IQCK: variants seen among roughly 807,000 people sequenced by gnomAD.
IQCK encodes the protein IQ domain-containing protein K.
In IQCK, 29 loss-of-function variants were observed where a neutral mutation model predicts 28.1. That is an observed-to-expected ratio of 1.03 (90% CI 0.77 to 1.41). The LOEUF (loss-of-function observed/expected upper bound fraction) is 1.41. Ranked by LOEUF, IQCK falls within the 40% of genes most tolerant of loss-of-function variation. The probability of loss-of-function intolerance (pLI) is 0.00; values close to 1 mark genes in which losing one functional copy is unlikely to be tolerated. For synonymous variants in IQCK, 113 were observed against 115.1 expected (o/e 0.98, Z 0.12); for missense variants, 359 against 314.7 (o/e 1.14, Z -1.07).
intron 9 of IQCK, among the ~76,000 whole-genome samples, chr16:19,832,879 T>G (rs1347947483): frequency 1.3e-5 from 2 of 152,062 alleles, no homozygotes; most frequent in African/African-American, 4.8e-5. Flanking sequence ...TCAGATCTCA[T>G]GAGAACTCAC....
intron 4 of IQCK, among the ~76,000 whole-genome samples, chr16:19,736,945 C>T (rs1001199658): frequency 7.6e-5 from 11 of 145,118 alleles, no homozygotes; most frequent in African/African-American, 2.9e-4. Flanking sequence ...CCCAGGAGTT[C>T]GAGACCAGCC....
chr16:19,824,872 C>G (rs1174284978), intron 7 of IQCK, among the ~76,000 whole-genome samples: 2 of 152,152 alleles, frequency 1.3e-5, no homozygotes, highest in African/African-American at 2.4e-5. Flanking sequence ...CTTGCAGAGG[C>G]CAGTATCTCT....
intron 1 of IQCK, among the ~76,000 whole-genome samples, chr16:19,719,883 G>C (rs1455553469): frequency 6.6e-6 from 1 of 151,714 alleles, no homozygotes; most frequent in African/African-American, 2.4e-5. Context: ...ATTTTGGCCA[G>C]GCTGCTCTTG....
chr16:19,836,076 T>G lies in IQCK; in HGVS notation c.802+8939T>G, dbSNP rs536743499. On this transcript the variant is annotated intron_variant, in intron 9 of 9. Transcript: ENST00000320394. Reference sequence around the variant, plus strand: ...CATCTTTGTGCTACATTTTCTCTACTTGTAAAATGAGAATTCTTATGCCTT... The same window carrying G: ...CATCTTTGTGCTACATTTTCTCTACGTGTAAAATGAGAATTCTTATGCCTT... Among the ~76,000 whole-genome samples, 8 of 152,372 alleles carry G rather than the reference T, an allele frequency of 5.3e-5. 1 individual carries two copies. In the South Asian group the frequency reaches 1.4e-3, roughly 28 times the overall value.
intron 7 of IQCK, among the ~76,000 whole-genome samples, chr16:19,813,107 T>C (rs1204389935): frequency 6.6e-6 from 1 of 152,184 alleles, no homozygotes; most frequent in African/African-American, 2.4e-5. Context: ...AAACAGCAGA[T>C]AGACACAGCT....
intron 7 of IQCK, among the ~76,000 whole-genome samples, chr16:19,816,620 T>C (rs1464280661): frequency 6.6e-6 from 1 of 152,146 alleles, no homozygotes. Flanking sequence ...TGCCTAAAAT[T>C]ATAAAATTAC....
chr16:19,746,517 T>C (rs1375607249), intron 4 of IQCK, among the ~76,000 whole-genome samples: 1 of 152,194 alleles, frequency 6.6e-6, no homozygotes, highest in Non-Finnish European at 1.5e-5. Context: ...CATTTCCCAT[T>C]GTGACTCTTA....
At chr16:19,852,847 C>A in intron 9 of IQCK, among the ~76,000 whole-genome samples, 1 of 152,132 alleles carries the variant, frequency 6.6e-6, no homozygotes, top group Non-Finnish European at 1.5e-5. Flanking sequence ...TGGTCTTGAT[C>A]TCCTGATCTC....
intron 7 of IQCK, among the ~76,000 whole-genome samples, chr16:19,799,595 T>TACACACAC (rs1294252121): frequency 3.6e-5 from 4 of 112,254 alleles, no homozygotes; most frequent in African/African-American, 2.0e-4. Flanking sequence ...TATATATATA[T>TACACACAC]ATACACACAC....
At chr16:19,731,033 C>T (rs1977820311) in intron 2 of IQCK, among the ~76,000 whole-genome samples, 1 of 152,170 alleles carries the variant, frequency 6.6e-6, no homozygotes, top group Admixed American at 6.5e-5. Flanking sequence ...CAGGTTTCTG[C>T]ATTTATTAAA....
At chr16:19,838,813 G>A (rs145201074) in intron 9 of IQCK, among the ~76,000 whole-genome samples, 17 of 152,158 alleles carry the variant, frequency 1.1e-4, no homozygotes, top group African/African-American at 3.9e-4. Flanking sequence ...GAGGTTAGGA[G>A]TTCGAGACCA....
chr16:19,774,398 C>CTTTTTTTTTTTTTTTTTTTTTTTTTT (rs1167894201), intron 6 of IQCK, among the ~76,000 whole-genome samples: 1 of 104,100 alleles, frequency 9.6e-6, no homozygotes, highest in African/African-American at 3.7e-5. Context: ...TTAGCTAATA[C>CTTTTTTTTTTTTTTTTTTTTTTTTTT]TTTTTTTTTT....
At chr16:19,833,457 T>C (rs2056257967) in intron 9 of IQCK, among the ~76,000 whole-genome samples, 1 of 152,036 alleles carries the variant, frequency 6.6e-6, no homozygotes, top group Non-Finnish European at 1.5e-5. Flanking sequence ...GCCACAACAA[T>C]AAAGGAAATA....
At chr16:19,836,014 G>A (rs976038598) in intron 9 of IQCK, among the ~76,000 whole-genome samples, 4 of 152,170 alleles carry the variant, frequency 2.6e-5, no homozygotes, top group African/African-American at 9.7e-5. Context: ...TATACTTAAT[G>A]CTACCAACCC....
chr16:19,756,681 T>C (rs961824019), intron 4 of IQCK, among the ~76,000 whole-genome samples: 4 of 151,912 alleles, frequency 2.6e-5, no homozygotes, highest in African/African-American at 9.7e-5. Flanking sequence ...GGTCAGGAGA[T>C]GGTCACGAGG....
intron 7 of IQCK, among the ~76,000 whole-genome samples, chr16:19,806,480 G>C (rs1343316119): frequency 6.6e-6 from 1 of 151,806 alleles, no homozygotes; most frequent in Non-Finnish European, 1.5e-5. Context: ...GAGTACAGGA[G>C]TTTGAGACTA....
At chr16:19,718,486 G>A (rs761512030) in exon 1 of IQCK, 3 of 1,602,662 alleles carry the variant, frequency 1.9e-6, no homozygotes, top group Non-Finnish European at 2.6e-6. Flanking sequence ...AGATCTGCAA[G>A]GGTAGGAAAC....
chr16:19,833,270 C>T (rs545310281), intron 9 of IQCK, among the ~76,000 whole-genome samples: 86 of 152,184 alleles, frequency 5.7e-4, no homozygotes, highest in Non-Finnish European at 5.0e-4. Flanking sequence ...GGAAAACCTG[C>T]CAAAGTAAGA....
intron 4 of IQCK, among the ~76,000 whole-genome samples, chr16:19,751,247 C>T (rs909726475): frequency 6.6e-6 from 1 of 152,124 alleles, no homozygotes; most frequent in Non-Finnish European, 1.5e-5. Flanking sequence ...TATCCCAGCA[C>T]TTTGGCAGGC....
Sources: allele counts gnomAD v4.1 joint callset (sites outside exome capture counted in the v4.1 genomes callset), GRCh38; gene constraint gnomAD v4.1.1; transcripts MANE v1.5; gene names NCBI Gene and HGNC (gene_info 2026-07-23, HGNC 2026-07-21).